CCDC102B: variants seen among roughly 807,000 people sequenced by gnomAD.
The protein encoded by CCDC102B is coiled-coil domain containing 102B.
In CCDC102B, 75 loss-of-function variants were observed where a neutral mutation model predicts 57.4. That is an observed-to-expected ratio of 1.31 (90% confidence interval 1.08 to 1.58). CCDC102B has a LOEUF of 1.58. CCDC102B is among the 40% of genes most tolerant of loss of function. CCDC102B has a pLI of 0.00. For synonymous variants in CCDC102B, 206 were observed against 201.9 expected (o/e 1.02, Z -0.17); for missense variants, 636 against 582.6 (o/e 1.09, Z -0.94).
At chr18:68,724,988 G>C (rs923872009) in intron 2 of CCDC102B, among the ~76,000 whole-genome samples, 3 of 152,182 alleles carry the variant, frequency 2.0e-5, no homozygotes, top group Non-Finnish European at 4.4e-5. Context: ...ATTCTGCATA[G>C]CTGGGAAGAC....
chr18:69,056,804 T>G (rs950723792), downstream of CCDC102B, among the ~76,000 whole-genome samples: 3 of 152,006 alleles, frequency 2.0e-5, no homozygotes, highest in African/African-American at 7.2e-5. Context: ...GCTTTCTAAG[T>G]GTACAGGTCA....
At chr18:68,744,511 A>C (rs938697040) in intron 2 of CCDC102B, among the ~76,000 whole-genome samples, 4 of 152,202 alleles carry the variant, frequency 2.6e-5, no homozygotes, top group Non-Finnish European at 5.9e-5. Context: ...GCCATACTGC[A>C]TCCTCCTGGT....
intron 1 of CCDC102B, among the ~76,000 whole-genome samples, chr18:68,806,501 A>G (rs572497807): frequency 3.9e-5 from 6 of 152,248 alleles, no homozygotes; most frequent in African/African-American, 1.2e-4. Flanking sequence ...TAATTATCTT[A>G]ATTTCCTGTA....
intron 6 of CCDC102B, among the ~76,000 whole-genome samples, chr18:68,901,613 AAGTC>A (rs2040456469): frequency 6.6e-6 from 1 of 152,178 alleles, no homozygotes; most frequent in Non-Finnish European, 1.5e-5. Context: ...CTCCAAAGAA[AAGTC>A]TTTCCCCTCA....
intron 2 of CCDC102B, among the ~76,000 whole-genome samples, chr18:68,779,257 G>A (rs2034926544): frequency 6.6e-6 from 1 of 152,078 alleles, no homozygotes; most frequent in Non-Finnish European, 1.5e-5. Context: ...ATTATGAGAT[G>A]TATAGTCCTC....
intron 2 of CCDC102B, among the ~76,000 whole-genome samples, chr18:68,756,405 G>A (rs765988018): frequency 6.6e-6 from 1 of 152,154 alleles, no homozygotes; most frequent in Non-Finnish European, 1.5e-5. Context: ...ATAAGGAAGA[G>A]ATTCAATAAC....
chr18:68,996,329 T>C (rs894567959), intron 6 of CCDC102B, among the ~76,000 whole-genome samples: 1 of 152,136 alleles, frequency 6.6e-6, no homozygotes, highest in African/African-American at 2.4e-5. Flanking sequence ...CCTATACCAG[T>C]GGTTTGCCAG....
At chr18:69,032,292 G>A (rs2052167536) in intron 7 of CCDC102B, among the ~76,000 whole-genome samples, 1 of 152,130 alleles carries the variant, frequency 6.6e-6, no homozygotes, top group Non-Finnish European at 1.5e-5. Context: ...CTTTATTAGT[G>A]CTCTCTGCTA....
chr18:69,001,239 G>A (rs1409562355), intron 6 of CCDC102B, among the ~76,000 whole-genome samples: 1 of 152,024 alleles, frequency 6.6e-6, no homozygotes, highest in Non-Finnish European at 1.5e-5. Context: ...CTTTTCCCAT[G>A]CTGTTAGCTG....
chr18:68,833,414 C>G (rs1304133147), intron 1 of CCDC102B, among the ~76,000 whole-genome samples: 1 of 133,580 alleles, frequency 7.5e-6, no homozygotes, highest in South Asian at 2.3e-4. Context: ...TACACCATTT[C>G]TCTTTCAAGA....
Position 69,055,084 on chromosome 18 carries a change from A to C in CCDC102B, c.*947A>C. On this transcript the variant is annotated 3_prime_UTR_variant, in exon 8 of 8. Transcript: ENST00000360242. Reference sequence around the variant, plus strand: ...GAAGGCAACTTGTAAGATTTAACTCAGTCAATAACATACTGGTTTTACTCA... The same window carrying C: ...GAAGGCAACTTGTAAGATTTAACTCCGTCAATAACATACTGGTTTTACTCA... 1.0e-6 allele frequency: 1 copy of C among 983,134 alleles called. No homozygotes were observed. The highest frequency in any genetic ancestry group is 4.7e-5 in the South Asian group (1 of 21,258). The allele number at this position is 983,134 out of a possible 1,614,324, so 60.9% of individuals were successfully genotyped here.
intron 2 of CCDC102B, among the ~76,000 whole-genome samples, chr18:68,775,101 A>G (rs2034767903): frequency 6.6e-6 from 1 of 150,686 alleles, no homozygotes; most frequent in East Asian, 2.0e-4. Flanking sequence ...AATATCCCTC[A>G]TTCTTTTTTA....
At chr18:68,747,409 T>G (rs899294950) in intron 2 of CCDC102B, among the ~76,000 whole-genome samples, 1 of 152,154 alleles carries the variant, frequency 6.6e-6, no homozygotes, top group Non-Finnish European at 1.5e-5. Context: ...CTTTTAATTT[T>G]AAAGTGCATA....
intron 1 of CCDC102B, among the ~76,000 whole-genome samples, chr18:68,835,763 G>A (rs766588321): frequency 7.2e-5 from 11 of 152,150 alleles, no homozygotes; most frequent in Non-Finnish European, 1.3e-4. Context: ...TTATGAGAAG[G>A]CTGTTATACT....
At chr18:68,846,022 G>A (rs1305949162) in intron 3 of CCDC102B, among the ~76,000 whole-genome samples, 1 of 151,610 alleles carries the variant, frequency 6.6e-6, no homozygotes, top group Non-Finnish European at 1.5e-5. Context: ...TGAGTGAAAG[G>A]AATTGAGAGG....
At position 68,975,587 on chromosome 18, in the gene CCDC102B, A is replaced by C. The variant is rs146016422; in HGVS notation, c.1264-35347A>C. 3.4e-4 allele frequency among the ~76,000 whole-genome samples: 51 copies of C among 152,070 alleles called. No homozygotes were observed. The East Asian group carries it at 9.7e-3, about 29-fold the overall frequency. On this transcript the variant is annotated intron_variant, in intron 6 of 7. Transcript: ENST00000360242. ...TATTAACGGGGCATTAATAAATCAT[A>C]AGTAAAGGCTAAGAACACCAGGTCT...
chr18:68,863,055 A>T (rs867361779), intron 4 of CCDC102B, among the ~76,000 whole-genome samples: 20 of 151,892 alleles, frequency 1.3e-4, no homozygotes, highest in Admixed American at 2.6e-4. Context: ...TGCTAATATT[A>T]AATATTTACT....
chr18:69,034,441 C>T (rs565683422), intron 7 of CCDC102B, among the ~76,000 whole-genome samples: 132 of 151,924 alleles, frequency 8.7e-4, no homozygotes, highest in Non-Finnish European at 1.7e-3. Context: ...ATCTAGATTC[C>T]AGAACAATTT....
intron 2 of CCDC102B, among the ~76,000 whole-genome samples, chr18:68,743,583 C>T (rs2033495621): frequency 6.6e-6 from 1 of 152,232 alleles, no homozygotes; most frequent in South Asian, 2.1e-4. Flanking sequence ...CTTGCCTTCA[C>T]TCCAGTCTCT....
Sources: gnomAD v4.1 joint callset for allele counts (sites outside exome capture counted in the v4.1 genomes callset) on GRCh38, gnomAD v4.1.1 for gene constraint, MANE v1.5 for transcripts, NCBI Gene and HGNC (gene_info 2026-07-23, HGNC 2026-07-21) for gene names.